MIGA2: variants seen among roughly 807,000 people sequenced by gnomAD.
MIGA2 encodes the protein mitoguardin 2.
In MIGA2, 36 loss-of-function variants were observed where a neutral mutation model predicts 69.9. The ratio of observed to expected loss-of-function variants is 0.52; its 90% CI spans 0.39 to 0.68. The LOEUF (loss-of-function observed/expected upper bound fraction) is 0.68, where lower values mean the gene tolerates loss of function less well. Among genes scored for constraint, MIGA2 ranks in the 30% least tolerant of loss-of-function variants. The pLI, the probability that MIGA2 is intolerant of heterozygous loss-of-function variation, is 0.00. For missense variants in MIGA2, 660 were observed against 787.7 expected, an observed-to-expected ratio of 0.84 and a Z score of 1.94; for synonymous variants, 333 against 349.2, an observed-to-expected ratio of 0.95 and a Z score of 0.52.
intron 2 of MIGA2, 127 bp from the exon 3 acceptor site, chr9:129,042,177 C>T: frequency 1.1e-6 from 1 of 885,346 alleles, no homozygotes; most frequent in Admixed American, 2.6e-5. Context: ...CTCTCAGTCT[C>T]TCATCTGGTC....
chr9:129,066,628 C>T (rs1392824062), intron 11 of MIGA2, among the ~76,000 whole-genome samples: 2 of 119,230 alleles, frequency 1.7e-5, no homozygotes, highest in Admixed American at 9.7e-5. Context: ...GAGCCAAGAT[C>T]ACGCCACTGC....
At chr9:129,051,617 A>T (rs1369725083) in intron 6 of MIGA2, among the ~76,000 whole-genome samples, 3 of 149,900 alleles carry the variant, frequency 2.0e-5, no homozygotes, top group African/African-American at 7.4e-5. Flanking sequence ...TTTTTTTAAG[A>T]CGGAGTCTTG....
rs1187179707 is a variant in MIGA2 at position 129,067,841 on chromosome 9, C to T, written c.1239C>T (p.Ala413=). 1.2e-6 allele frequency: 2 copies of T among 1,613,088 alleles called. No homozygotes were observed. The highest frequency in any genetic ancestry group is 1.7e-5 in the Admixed American group (1 of 59,968). Residue 413 remains alanine, a synonymous_variant, in exon 12 of 16, where the codon GCC becomes GCT. Transcript: ENST00000684074. The part of the protein sequence containing the change: ...LSYALRPETW[A]TTRLELEGRG... ...ATGCCCTGCGGCCCGAGACCTGGGCCACAACACGGCTGGAGCTGGAGGGCC... is the reference window on the plus strand; with the variant it reads ...ATGCCCTGCGGCCCGAGACCTGGGCTACAACACGGCTGGAGCTGGAGGGCC...
At chr9:129,040,364 T>A in intron 1 of MIGA2, 88 bp from the exon 2 acceptor site, 1 of 977,274 alleles carries the variant, frequency 1.0e-6, no homozygotes, top group South Asian at 3.1e-5. Flanking sequence ...TGCTCCTGCC[T>A]CCTCCCCCAT....
chr9:129,049,336 C>G, intron 4 of MIGA2, 45 bp from the exon 5 acceptor site: 1 of 1,587,416 alleles, frequency 6.3e-7, no homozygotes, highest in Non-Finnish European at 8.6e-7. Flanking sequence ...CTGCAGAGAG[C>G]CCGGGAAAGC....
rs1012234302 is a variant in MIGA2, at chr9:129,068,849, G to A, written c.1405-227G>A. The A allele has an allele frequency of 6.3e-5, 37 of 590,820 alleles. No homozygotes were observed. Among genetic ancestry groups the A allele is most frequent in the African/African-American group, 5.9e-4 (32 of 53,876 alleles). The allele number at this position is 590,820 out of a possible 1,614,324, so 36.6% of individuals were successfully genotyped here. On this transcript the variant is annotated intron_variant, in intron 13 of 15. Transcript: ENST00000684074. The surrounding 1 kb of genome is among the most constrained non-coding windows in gnomAD (Gnocchi z 4.1). ...GTGCCCCTTTACAGAAGAGGAGACCGAGGCTCAGAGAAGATCCAGCAGTAA... is the reference window on the plus strand; with the variant it reads ...GTGCCCCTTTACAGAAGAGGAGACCAAGGCTCAGAGAAGATCCAGCAGTAA...
At chr9:129,042,030 A>G in intron 2 of MIGA2, 1 of 474,718 alleles carries the variant, frequency 2.1e-6, no homozygotes, top group East Asian at 3.7e-5. Flanking sequence ...GTGCTTGTTC[A>G]CTGCGGCTTG....
chr9:129,046,967 C>T (rs1228431377), intron 3 of MIGA2: 2 of 151,176 alleles, frequency 1.3e-5, no homozygotes, highest in Non-Finnish European at 1.5e-5. Flanking sequence ...TTAGTAGTGA[C>T]GGGGTTTCTC....
rs1224100796 is a variant in MIGA2 at position 129,069,544 on chromosome 9, G to C, written c.1459-305G>C. 34 of 521,730 alleles carry C rather than the reference G, an allele frequency of 6.5e-5. No homozygotes were observed. In the South Asian group the frequency reaches 6.8e-4, roughly 10 times the overall value. The allele number at this position is 521,730 out of a possible 1,614,324, so 32.3% of individuals were successfully genotyped here. A position where few individuals can be genotyped will look rare whatever the true frequency, so the allele number is the denominator to read the frequency against. The stretch of plus-strand genomic sequence containing the variant: ...TGTGCTATCTGGCCTGTGGTTTGTC[G>C]TTCCCCTCTGCGGGCCAGGCTCTGT... On this transcript the variant is annotated intron_variant, in intron 14 of 15. Transcript: ENST00000684074. This position sits in a 1 kb window ranked among gnomAD's most constrained non-coding sequence, Gnocchi z 4.9.
Position 129,061,083 on chromosome 9 carries a change from G to C in MIGA2, c.895-148G>C. The C allele has an allele frequency of 1.4e-6, 1 of 697,800 alleles. No individual in the cohort carries two copies. Among genetic ancestry groups the C allele is most frequent in the Non-Finnish European group, 2.5e-6 (1 of 394,638 alleles). The allele number at this position is 697,800 out of a possible 1,614,324, so 43.2% of individuals were successfully genotyped here. A position where few individuals can be genotyped will look rare whatever the true frequency, so the allele number is the denominator to read the frequency against. ...GGCTCGAACTGGAGCCTCCTGGCCA[G>C]TGTTCCCTCTGACATCCCCTCAGAG... is the stretch of plus-strand genomic sequence containing the variant. On this transcript the variant is annotated intron_variant, in intron 8 of 15. Transcript: ENST00000684074. The surrounding 1 kb of genome is among the most constrained non-coding windows in gnomAD (Gnocchi z 5.0).
At chr9:129,043,588 C>T (rs1316405554) in intron 3 of MIGA2, among the ~76,000 whole-genome samples, 3 of 151,412 alleles carry the variant, frequency 2.0e-5, no homozygotes, top group Non-Finnish European at 4.4e-5. Flanking sequence ...GATTTCGCCA[C>T]GTTGGCCAGG....
rs745659725 is a variant in MIGA2 at position 129,070,344 on chromosome 9, G to A, written c.1673G>A (p.Arg558Gln). 12 of 1,612,950 alleles carry A rather than the reference G, an allele frequency of 7.4e-6. No homozygotes were observed. The highest frequency in any genetic ancestry group is 2.7e-5 in the African/African-American group (2 of 74,954). ...ALADDILQLS[R>Q]RRSEILLGYL... The stretch of plus-strand genomic sequence containing the variant: ...GCAGACGACATCCTGCAGCTGTCCC[G>A]GCGCCGCAGCGAGATATTGCTGGGG... The change falls in exon 16 of 16, where the codon CGG becomes CAG. Residue 558 changes from arginine (R) to glutamine (Q), a missense_variant. Arg to Gln is a conservative substitution (Grantham distance 43). Coordinates refer to ENST00000684074, the MANE Select transcript of MIGA2 (RefSeq NM_001329990.2).
rs1351413032 is a variant in MIGA2 at position 129,068,474 on chromosome 9, CAG to C, written c.1404+145_1404+146del. The C allele has an allele frequency of 8.3e-7, 1 of 1,200,922 alleles. No individual in the cohort carries two copies. The highest frequency in any genetic ancestry group is 2.4e-5 in the Admixed American group (1 of 42,000). The allele number at this position is 1,200,922 out of a possible 1,614,324, so 74.4% of individuals were successfully genotyped here. On this transcript the variant is annotated intron_variant, in intron 13 of 15. Coordinates refer to ENST00000684074, the MANE Select transcript of MIGA2 (RefSeq NM_001329990.2). This position sits in a 1 kb window ranked among gnomAD's most constrained non-coding sequence, Gnocchi z 4.1. ...TCCGCGGCTGCCAGGCCTGGGAGACCAGAGTCTGCCCTGGAGAAGCCTCCAGG... is the reference window on the plus strand; with the variant it reads ...TCCGCGGCTGCCAGGCCTGGGAGACCAGTCTGCCCTGGAGAAGCCTCCAGG...
intron 6 of MIGA2, among the ~76,000 whole-genome samples, 190 bp from the exon 7 acceptor site, chr9:129,058,964 G>A (rs1254817299): frequency 6.6e-6 from 1 of 152,242 alleles, no homozygotes; most frequent in Non-Finnish European, 1.5e-5. Context: ...GACTGTCCAG[G>A]TTTCCAGTGC....
intron 4 of MIGA2, 88 bp downstream of exon 4, chr9:129,048,627 A>G (rs780531824): frequency 3.0e-6 from 3 of 998,316 alleles, no homozygotes; most frequent in Non-Finnish European, 4.7e-6. Flanking sequence ...ATAGACTGGT[A>G]GAGTCCATTC....
At chr9:129,062,087 G>T (rs1377930158) in intron 9 of MIGA2, among the ~76,000 whole-genome samples, 3 of 136,766 alleles carry the variant, frequency 2.2e-5, no homozygotes, top group Non-Finnish European at 3.1e-5. Flanking sequence ...GTTTCACTGT[G>T]TTGGCTAGGC....
At chr9:129,063,742 CCTA>C in intron 11 of MIGA2, 111 bp downstream of exon 11, 1 of 1,001,090 alleles carries the variant, frequency 1.0e-6, no homozygotes, top group Non-Finnish European at 1.5e-6. Context: ...ACACGTTCCT[CCTA>C]CTCCGTTCTG....
intron 6 of MIGA2, among the ~76,000 whole-genome samples, chr9:129,055,944 T>C (rs1171604185): frequency 6.6e-6 from 1 of 151,492 alleles, no homozygotes; most frequent in East Asian, 1.9e-4. Flanking sequence ...AGTCTAGGAA[T>C]TCAAGACCAG....
At position 129,069,734 on chromosome 9, in the gene MIGA2, G is replaced by A. The variant is rs1405885449; in HGVS notation, c.1459-115G>A. ...GTCACTGCCCAGGGTCATCTAGCAG[G>A]AAAGTACATGAGCTGGGGCGACCTC... is the stretch of plus-strand genomic sequence containing the variant. On this transcript the variant is annotated intron_variant, in intron 14 of 15. Coordinates refer to ENST00000684074, the MANE Select transcript of MIGA2 (RefSeq NM_001329990.2). The surrounding 1 kb of genome is among the most constrained non-coding windows in gnomAD (Gnocchi z 4.9). 6.4e-6 allele frequency: 5 copies of A among 780,778 alleles called. No individual in the cohort carries two copies. The highest frequency in any genetic ancestry group is 5.3e-5 in the Admixed American group (3 of 56,726). The allele number at this position is 780,778 out of a possible 1,614,324, so 48.4% of individuals were successfully genotyped here.
Sources: allele counts gnomAD v4.1 joint callset (sites outside exome capture counted in the v4.1 genomes callset), GRCh38; gene constraint gnomAD v4.1.1; non-coding constraint Gnocchi (gnomAD v3.1); transcripts MANE v1.5; gene names NCBI Gene and HGNC (gene_info 2026-07-23, HGNC 2026-07-21).